The following WWOX variants were observed in gnomAD, a reference collection of about 807,000 sequenced individuals.
WWOX encodes the protein WW domain-containing oxidoreductase.
WWOX carries 69 observed loss-of-function variants against 46.2 expected under a neutral mutation model. That is an observed-to-expected ratio of 1.49 (90% CI 1.23 to 1.82). The LOEUF (loss-of-function observed/expected upper bound fraction) is 1.82, where lower values mean the gene tolerates loss of function less well. Among genes scored for constraint, WWOX ranks in the 40% most tolerant of loss-of-function variants. The pLI is 0.00. For synonymous variants in WWOX, 359 were observed against 202.6 expected (o/e 1.77, Z -6.56); for missense variants, 919 against 542.6 (o/e 1.69, Z -6.89).
At chr16:79,007,323 A>C (rs2151372637) in intron 8 of WWOX, among the ~76,000 whole-genome samples, 1 of 152,338 alleles carries the variant, frequency 6.6e-6, no homozygotes, top group East Asian at 1.9e-4. Context: ...AAACTCTAAA[A>C]CATGAGGAAA....
chr16:78,803,076 T>TA (rs1479352527), intron 8 of WWOX, among the ~76,000 whole-genome samples: 1 of 151,682 alleles, frequency 6.6e-6, no homozygotes, highest in Non-Finnish European at 1.5e-5. Flanking sequence ...GCTTTATTTT[T>TA]AAAAAATGTC....
At chr16:78,237,831 A>T (rs1021353397) in intron 5 of WWOX, 4 of 152,252 alleles carry the variant, frequency 2.6e-5, no homozygotes, top group African/African-American at 9.6e-5. Flanking sequence ...ATACCTCTGT[A>T]ATAGCCTCGG....
At chr16:78,122,789 G>A (rs1371874322) in intron 4 of WWOX, among the ~76,000 whole-genome samples, 1 of 151,914 alleles carries the variant, frequency 6.6e-6, no homozygotes, top group Non-Finnish European at 1.5e-5. Flanking sequence ...ATTTTTCGTA[G>A]AGACAGGGAT....
chr16:78,469,890 T>A (rs2084179241), intron 8 of WWOX, among the ~76,000 whole-genome samples: 1 of 152,204 alleles, frequency 6.6e-6, no homozygotes, highest in Admixed American at 6.5e-5. Context: ...TAACCTGGGA[T>A]TAGATAGAGC....
At chr16:78,812,381 A>G (rs999264159) in intron 8 of WWOX, among the ~76,000 whole-genome samples, 1 of 152,056 alleles carries the variant, frequency 6.6e-6, no homozygotes, top group Non-Finnish European at 1.5e-5. Context: ...TTCTTGGGTA[A>G]TGTCAAACAA....
At chr16:78,570,612 C>A (rs771914863) in intron 8 of WWOX, among the ~76,000 whole-genome samples, 2 of 152,168 alleles carry the variant, frequency 1.3e-5, no homozygotes, top group African/African-American at 4.8e-5. Flanking sequence ...CGAAGCCCAG[C>A]TGCTGCAGTT....
chr16:78,383,320 A>C (rs2081993860), intron 5 of WWOX, among the ~76,000 whole-genome samples: 1 of 152,126 alleles, frequency 6.6e-6, no homozygotes, highest in African/African-American at 2.4e-5. Context: ...ATATGGGGGA[A>C]GCTGGATGAT....
chr16:78,600,355 G>A (rs890385170), intron 8 of WWOX, among the ~76,000 whole-genome samples: 1 of 152,068 alleles, frequency 6.6e-6, no homozygotes, highest in Non-Finnish European at 1.5e-5. Flanking sequence ...TAGCTGGAGG[G>A]GGGGCCCCAG....
In WWOX at chr16:78,382,993, A is replaced by G. The variant is rs1000776444; in HGVS notation, c.517-3867A>G. ...ATCATGGCGAAGAGGAAGCAGGCAA[A>G]TCTTAGCAGGAGCAGGAGGACGAAT... is the stretch of plus-strand genomic sequence containing the variant. On this transcript the variant is annotated intron_variant, in intron 5 of 8. Transcript: ENST00000566780. Among the ~76,000 whole-genome samples the G allele has an allele frequency of 4.0e-5, 6 of 151,402 alleles. No homozygotes were observed. The Admixed American group carries it at 4.0e-4, about 10-fold the overall frequency.
chr16:78,871,062 T>A (rs2044117075), intron 8 of WWOX, among the ~76,000 whole-genome samples: 1 of 152,228 alleles, frequency 6.6e-6, no homozygotes, highest in African/African-American at 2.4e-5. Context: ...AGTTTTTAAA[T>A]TATCCCCTAT....
chr16:78,839,753 G>C (rs1380709850), intron 8 of WWOX, among the ~76,000 whole-genome samples: 4 of 152,244 alleles, frequency 2.6e-5, no homozygotes, highest in Admixed American at 6.5e-5. Context: ...CTTGGTTGGT[G>C]ATGCTAAATT....
chr16:78,258,987 C>A (rs2038207162), intron 5 of WWOX, among the ~76,000 whole-genome samples: 1 of 152,208 alleles, frequency 6.6e-6, no homozygotes, highest in African/African-American at 2.4e-5. Flanking sequence ...CAGAGAACTT[C>A]TCATTCCTTA....
chr16:78,101,994 C>T (rs2031826087), intron 1 of WWOX, among the ~76,000 whole-genome samples: 1 of 152,092 alleles, frequency 6.6e-6, no homozygotes, highest in African/African-American at 2.4e-5. Context: ...GTGGCACCCT[C>T]ACAGTAACCT....
At chr16:78,919,104 C>T (rs2045317614) in intron 8 of WWOX, among the ~76,000 whole-genome samples, 1 of 152,118 alleles carries the variant, frequency 6.6e-6, no homozygotes, top group Non-Finnish European at 1.5e-5. Context: ...ATTAATAACT[C>T]ACTTGAGATC....
intron 8 of WWOX, among the ~76,000 whole-genome samples, chr16:78,532,176 C>G (rs80066418): frequency 0.045 from 6,817 of 151,562 alleles, 543 homozygotes; most frequent in African/African-American, 0.16. Context: ...CTTTCCCTTT[C>G]TGTTATAAAA....
At chr16:78,756,733 C>T (rs145098718) in intron 8 of WWOX, among the ~76,000 whole-genome samples, 2 of 152,132 alleles carry the variant, frequency 1.3e-5, no homozygotes, top group Non-Finnish European at 2.9e-5. Context: ...AGGTGGTGGA[C>T]AAAGAATCAA....
At chr16:78,798,678 C>G (rs2050807911) in intron 8 of WWOX, among the ~76,000 whole-genome samples, 2 of 151,110 alleles carry the variant, frequency 1.3e-5, no homozygotes, top group South Asian at 4.2e-4. Context: ...CTCACCATCT[C>G]AGGGGTAAAT....
intron 8 of WWOX, among the ~76,000 whole-genome samples, chr16:78,654,410 T>G (rs1023201304): frequency 4.6e-5 from 7 of 152,258 alleles, no homozygotes; most frequent in Non-Finnish European, 1.0e-4. Context: ...TGCTGTGTAC[T>G]ATGCTCTATT....
intron 8 of WWOX, among the ~76,000 whole-genome samples, chr16:78,593,070 C>T (rs1323289945): frequency 6.6e-6 from 1 of 152,172 alleles, no homozygotes; most frequent in Non-Finnish European, 1.5e-5. Context: ...TACAAAAGCT[C>T]TTTAGCCAAG....
Sources: allele counts gnomAD v4.1 joint callset (sites outside exome capture counted in the v4.1 genomes callset), GRCh38; gene constraint gnomAD v4.1.1; transcripts MANE v1.5; gene names NCBI Gene and HGNC (gene_info 2026-07-23, HGNC 2026-07-21).